The following WNT5A variants were observed in gnomAD, a reference collection of about 807,000 sequenced individuals.
WNT5A encodes the protein Wnt family member 5A, also known as protein Wnt-5a.
A neutral mutation model predicts 42.1 loss-of-function variants in WNT5A; 9 were observed. That is an observed-to-expected ratio of 0.21 (90% CI 0.13 to 0.37). The LOEUF (loss-of-function observed/expected upper bound fraction) is 0.37. Ranked by LOEUF, WNT5A falls within the 10% of genes least tolerant of loss-of-function variation. The probability of loss-of-function intolerance (pLI) is 1.00; values close to 1 mark genes in which losing one functional copy is unlikely to be tolerated. For synonymous variants in WNT5A, 210 were observed against 210.0 expected, an observed-to-expected ratio of 1.00 and a Z score of 0.00; for missense variants, 426 against 534.0, an observed-to-expected ratio of 0.80 and a Z score of 1.99.
At chr3:55,488,667 C>T (rs1336508036), upstream of WNT5A, among the ~76,000 whole-genome samples, 1 of 152,058 alleles carries the variant, frequency 6.6e-6, no homozygotes, top group Admixed American at 6.5e-5. Flanking sequence ...GCGGCATCTG[C>T]TGAAAGAGAG....
In WNT5A at chr3:55,487,020, AC is replaced by A. The variant is rs2051591022; in HGVS notation, c.-36del. 2 of 1,608,006 alleles carry A rather than the reference AC, an allele frequency of 1.2e-6. No individual in the cohort carries two copies. Among genetic ancestry groups the A allele is most frequent in the Non-Finnish European group, 1.7e-6 (2 of 1,177,304 alleles). On this transcript the variant is annotated 5_prime_UTR_variant, in exon 1 of 5. Coordinates refer to ENST00000264634, the MANE Select transcript of WNT5A (RefSeq NM_003392.7). ...GAGGGGGCGCGGGGAGGAAGTCGCC[AC>A]CCGAGCGAGCGCAGCCGAGGAATCC... is the stretch of plus-strand genomic sequence containing the variant.
rs1227568214 is a variant in WNT5A at position 55,479,351 on chromosome 3, C to T, written c.354G>A (p.Val118=). 6.2e-7 allele frequency: 1 copy of T among 1,607,542 alleles called. No homozygotes were observed. The highest frequency in any genetic ancestry group is 1.7e-5 in the Admixed American group (1 of 59,706). The change falls in exon 3 of 5, where the codon GTG becomes GTA. Residue 118 remains valine, a synonymous_variant. Coordinates refer to ENST00000264634, the MANE Select transcript of WNT5A (RefSeq NM_003392.7). ...FRHRRWNCST[V]DNTSVFGRVM... Reference sequence around the variant, plus strand: ...CCCTGCCAAAAACAGAGGTGTTATCCACAGTGCTGCAGTTCCACCTTCGAT... The same window carrying T: ...CCCTGCCAAAAACAGAGGTGTTATCTACAGTGCTGCAGTTCCACCTTCGAT...
intron 3 of WNT5A, chr3:55,478,977 C>T (rs1200170854): frequency 5.8e-6 from 1 of 173,410 alleles, no homozygotes; most frequent in Non-Finnish European, 1.2e-5. Flanking sequence ...CGTTTAAAAG[C>T]ATATACATGA....
chr3:55,499,580 G>A, the WNT5A span, among the ~76,000 whole-genome samples: 5 of 152,124 alleles, frequency 3.3e-5, no homozygotes, highest in Non-Finnish European at 7.4e-5. Flanking sequence ...AATTTAAATG[G>A]TTTAAGTAAA....
the WNT5A span, among the ~76,000 whole-genome samples, chr3:55,499,984 A>ACCC: frequency 0.042 from 6,119 of 145,676 alleles, 180 homozygotes; most frequent in African/African-American, 0.069. Context: ...CCCCTCCAAA[A>ACCC]AAAAAAAAAA....
intron 3 of WNT5A, 48 bp from the exon 4 acceptor site, chr3:55,474,677 G>T: frequency 8.2e-6 from 11 of 1,342,812 alleles, no homozygotes; most frequent in Non-Finnish European, 1.0e-5. Flanking sequence ...CACGCGCTGG[G>T]CCGGGATGCT....
At chr3:55,485,538 G>C (rs935105038) in intron 1 of WNT5A, among the ~76,000 whole-genome samples, 1 of 151,956 alleles carries the variant, frequency 6.6e-6, no homozygotes, top group Non-Finnish European at 1.5e-5. Context: ...CACACACTCG[G>C]ACACACACAC....
the WNT5A span, among the ~76,000 whole-genome samples, chr3:55,500,508 T>C: frequency 2.0e-5 from 3 of 152,180 alleles, no homozygotes; most frequent in Admixed American, 2.0e-4. Context: ...ATGTGGAAAA[T>C]GCTTCCTGAC....
At chr3:55,496,209 TC>T in the WNT5A span, among the ~76,000 whole-genome samples, 1 of 152,226 alleles carries the variant, frequency 6.6e-6, no homozygotes, top group Non-Finnish European at 1.5e-5. Context: ...TGTTATGACT[TC>T]CCCAAAATCT....
At chr3:55,479,281 T>C (rs1486814415) in intron 3 of WNT5A, 33 bp downstream of exon 3, 4 of 1,449,290 alleles carry the variant, frequency 2.8e-6, no homozygotes, top group Non-Finnish European at 2.7e-6. Flanking sequence ...AAAAAGTTAA[T>C]GTTTTAAAAA....
rs1357570558 is a variant in WNT5A at position 55,466,313 on chromosome 3, G to C, written c.*3779C>G. The C allele has an allele frequency of 6.6e-6, 1 of 152,020 alleles. No individual in the cohort carries two copies. Among genetic ancestry groups the C allele is most frequent in the East Asian group, 1.9e-4 (1 of 5,198 alleles). 9.4% of individuals were successfully genotyped at this position (152,020 alleles called of 1,614,324 possible). On this transcript the variant is annotated 3_prime_UTR_variant, in exon 5 of 5. Coordinates refer to ENST00000264634, the MANE Select transcript of WNT5A (RefSeq NM_003392.7). ...CTTTTCTATCTCTCTATATATTGTG[G>C]GCCACTAAGTGTTTGTGGACTGATG...
At chr3:55,494,898 C>A (rs149821238), upstream of WNT5A, among the ~76,000 whole-genome samples, 2 of 152,172 alleles carry the variant, frequency 1.3e-5, no homozygotes, top group Non-Finnish European at 2.9e-5. Context: ...TAAGAAGCAA[C>A]AAACAGTCCT....
At chr3:55,502,526 C>T in the WNT5A span, among the ~76,000 whole-genome samples, 308 of 152,198 alleles carry the variant, frequency 2.0e-3, 1 homozygote, top group African/African-American at 6.9e-3. Context: ...AGTTTGGGAC[C>T]CAAATCTGAC....
upstream of WNT5A, among the ~76,000 whole-genome samples, chr3:55,493,518 T>C (rs1366625743): frequency 2.6e-5 from 4 of 152,018 alleles, no homozygotes; most frequent in Non-Finnish European, 5.9e-5. Context: ...AGTATATTTG[T>C]TTACTTGTCT....
chr3:55,500,851 A>C, the WNT5A span, among the ~76,000 whole-genome samples: 1 of 152,228 alleles, frequency 6.6e-6, no homozygotes, highest in Non-Finnish European at 1.5e-5. Context: ...AGTTATAAAG[A>C]GGGAAAGAAC....
chr3:55,480,965 T>G (rs771673483), intron 1 of WNT5A, 47 bp from the exon 2 acceptor site: 41 of 1,406,594 alleles, frequency 2.9e-5, no homozygotes, highest in Non-Finnish European at 3.7e-5. Context: ...CTCAGATAAT[T>G]TTCAAGCATA....
chr3:55,476,168 T>A (rs759295880), intron 3 of WNT5A, among the ~76,000 whole-genome samples: 2 of 152,218 alleles, frequency 1.3e-5, no homozygotes, highest in African/African-American at 2.4e-5. Flanking sequence ...AGGACAGCGA[T>A]GCCAGTTTAA....
rs771065402 is a variant in WNT5A at position 55,474,319 on chromosome 3, GC to G, written c.684+17del. 6.2e-7 allele frequency: 1 copy of G among 1,612,428 alleles called. No individual in the cohort carries two copies. Among genetic ancestry groups the G allele is most frequent in the Non-Finnish European group, 8.5e-7 (1 of 1,179,712 alleles). ...GAGAAGACAGAGATGCGGGGCGGGG[GC>G]GAGACGCGGCACTCACCCTGCGGCC... is the stretch of plus-strand genomic sequence containing the variant. On this transcript the variant is annotated intron_variant, in intron 4 of 4. Coordinates refer to ENST00000264634, the MANE Select transcript of WNT5A (RefSeq NM_003392.7).
At chr3:55,503,497 G>T in the WNT5A span, among the ~76,000 whole-genome samples, 1 of 152,222 alleles carries the variant, frequency 6.6e-6, no homozygotes, top group African/African-American at 2.4e-5. Context: ...GATTTTAAGA[G>T]ACTATAAACC....
Sources: gnomAD v4.1 joint callset for allele counts (sites outside exome capture counted in the v4.1 genomes callset) on GRCh38, gnomAD v4.1.1 for gene constraint, MANE v1.5 for transcripts, NCBI Gene and HGNC (gene_info 2026-07-23, HGNC 2026-07-21) for gene names.